PLCH2: variants seen among roughly 807,000 people sequenced by gnomAD.
PLCH2 encodes the protein 1-phosphatidylinositol 4,5-bisphosphate phosphodiesterase eta-2.
Under a neutral mutation model 134.7 loss-of-function variants are expected in PLCH2, and 98 were observed. The ratio of observed to expected loss-of-function variants is 0.73; its 90% confidence interval spans 0.62 to 0.86. The LOEUF is 0.86. Ranked by LOEUF, PLCH2 falls within the 40% of genes least tolerant of loss-of-function variation. PLCH2 has a pLI of 0.00. For synonymous variants in PLCH2, 974 were observed against 827.5 expected, an observed-to-expected ratio of 1.18 and a Z score of -3.04; for missense variants, 1,994 against 1,986.6, an observed-to-expected ratio of 1.00 and a Z score of -0.07.
At chr1:2,494,424 G>A (rs551617770) in intron 11 of PLCH2, 2 of 249,510 alleles carry the variant, frequency 8.0e-6, no homozygotes, top group East Asian at 2.6e-4. Flanking sequence ...CGCACTGCGG[G>A]AACAGGTCAG....
chr1:2,454,703 G>A (rs886890733), intron 2 of PLCH2, among the ~76,000 whole-genome samples: 2 of 152,166 alleles, frequency 1.3e-5, no homozygotes, highest in Non-Finnish European at 2.9e-5. Context: ...CCAGGGTCTG[G>A]GATAAACCGG....
intron 5 of PLCH2, among the ~76,000 whole-genome samples, chr1:2,485,224 G>GCTCT (rs1642225874): frequency 1.2e-4 from 1 of 8,436 alleles, no homozygotes; most frequent in African/African-American, 5.3e-4. Flanking sequence ...AAGGCCAAGT[G>GCTCT]CTGCCCCACT....
chr1:2,482,098 G>A (rs1324922860), intron 4 of PLCH2, among the ~76,000 whole-genome samples: 12 of 152,264 alleles, frequency 7.9e-5, no homozygotes, highest in Non-Finnish European at 1.6e-4. Context: ...CAAAGTGCAC[G>A]TTCAACAGCA....
chr1:2,456,712 G>A (rs1179082870), intron 2 of PLCH2, among the ~76,000 whole-genome samples: 5 of 152,168 alleles, frequency 3.3e-5, no homozygotes, highest in South Asian at 4.1e-4. Context: ...CCCCTCTGAA[G>A]CCAGGGAGCT....
chr1:2,452,519 G>T (rs1456488560), intron 2 of PLCH2, among the ~76,000 whole-genome samples: 4 of 152,206 alleles, frequency 2.6e-5, no homozygotes, highest in African/African-American at 9.6e-5. Context: ...TGAGCAGCAG[G>T]AGGTGAGGGC....
At chr1:2,431,523 A>G (rs773304683) in intron 2 of PLCH2, among the ~76,000 whole-genome samples, 1 of 152,066 alleles carries the variant, frequency 6.6e-6, no homozygotes, top group Non-Finnish European at 1.5e-5. Context: ...TGGAATGGAC[A>G]CCGGGGAAAG....
chr1:2,451,415 G>A (rs1640219946), intron 2 of PLCH2, among the ~76,000 whole-genome samples: 2 of 152,228 alleles, frequency 1.3e-5, no homozygotes. Flanking sequence ...TTTCTGGGCT[G>A]TACAGATCAG....
chr1:2,479,915 C>T lies in PLCH2; in HGVS notation c.453C>T (p.Arg151=). The change falls in exon 3 of 22, where the codon CGC becomes CGT. Residue 151 remains arginine, a synonymous_variant. Coordinates refer to ENST00000378486, the MANE Select transcript of PLCH2 (RefSeq NM_014638.4). Reference sequence around the variant, plus strand: ...CGCGCACCTGGGTCACTGGCCTGCGCTACCTCATGGCCGGCATCAGCGACG... The same window carrying T: ...CGCGCACCTGGGTCACTGGCCTGCGTTACCTCATGGCCGGCATCAGCGACG... ...EVARTWVTGL[R]YLMAGISDED... is the part of the protein sequence containing the mutation. The T allele has an allele frequency of 6.2e-7, 1 of 1,611,188 alleles. No homozygotes were observed. The highest frequency in any genetic ancestry group is 8.5e-7 in the Non-Finnish European group (1 of 1,179,022).
intron 20 of PLCH2, chr1:2,501,839 CA>C (rs1643241323): frequency 2.3e-6 from 1 of 425,568 alleles, no homozygotes. Flanking sequence ...ATGCCCTGGA[CA>C]GGTCAGGCGA....
intron 5 of PLCH2, among the ~76,000 whole-genome samples, chr1:2,485,001 A>G (rs1642214810): frequency 6.6e-6 from 1 of 151,964 alleles, no homozygotes. Context: ...CATCTTGTGG[A>G]CTAGGGTTCT....
chr1:2,427,334 G>A (rs998835889), intron 1 of PLCH2, among the ~76,000 whole-genome samples: 1 of 152,158 alleles, frequency 6.6e-6, no homozygotes, highest in Non-Finnish European at 1.5e-5. Context: ...CCGCAGGTCT[G>A]GGACGAGTCA....
Position 2,504,220 on chromosome 1 carries a change from C to T in PLCH2, c.3258C>T (p.Gly1086=). ...GCAGGAGCCAGCCCCGGACCCTGGG[C>T]CACCTGCCCGTGATTAGAAGGGTGA... ...TDGRSQPRTL[G]HLPVIRRVKS... Residue 1086 remains glycine (G), a synonymous_variant, in exon 22 of 22, where the codon GGC becomes GGT. Transcript: ENST00000378486. 1 of 1,564,530 alleles carries T rather than the reference C, an allele frequency of 6.4e-7. No homozygotes were observed.
intron 4 of PLCH2, among the ~76,000 whole-genome samples, chr1:2,483,037 G>C (rs1642060583): frequency 6.6e-6 from 1 of 152,222 alleles, no homozygotes; most frequent in South Asian, 2.1e-4. Flanking sequence ...GCCTGTGTGG[G>C]CTCTGGGAAG....
Position 2,487,254 on chromosome 1 carries a change from C to T in PLCH2, c.992C>T (p.Pro331Leu), listed in dbSNP as rs553813725. The T allele has an allele frequency of 8.1e-6, 13 of 1,612,482 alleles. No individual in the cohort carries two copies. The highest frequency in any genetic ancestry group is 5.0e-5 in the Admixed American group (3 of 59,816). Reference sequence around the variant, plus strand: ...CATGTGCACCAGGACATGACGCAGCCGCTGAGCCACTACTTCATCACCTCG... The same window carrying T: ...CATGTGCACCAGGACATGACGCAGCTGCTGAGCCACTACTTCATCACCTCG... ...HHHVHQDMTQPLSHYFITSSH... is the reference protein window; with the variant it reads ...HHHVHQDMTQLLSHYFITSSH... Residue 331 changes from proline to leucine, a missense_variant, in exon 7 of 22, where the codon CCG becomes CTG. Coordinates refer to ENST00000378486, the MANE Select transcript of PLCH2 (RefSeq NM_014638.4).
At position 2,505,218 on chromosome 1, in the gene PLCH2, CAGT is replaced by C. The variant is rs1424474273; in HGVS notation, c.*6_*8del. ...CTGGTCCTGCTCCGCCTCTGACCGTCAGTGGTGGGAACCTGGGCGGCTCTGGAG... is the reference window on the plus strand; with the variant it reads ...CTGGTCCTGCTCCGCCTCTGACCGTCGGTGGGAACCTGGGCGGCTCTGGAG... On this transcript the variant is annotated 3_prime_UTR_variant, in exon 22 of 22. Transcript: ENST00000378486. 8 of 1,564,674 alleles carry C rather than the reference CAGT, an allele frequency of 5.1e-6. No homozygotes were observed. In the Admixed American group the frequency reaches 7.2e-5, roughly 14 times the overall value.
chr1:2,499,309 C>A, intron 19 of PLCH2, 79 bp downstream of exon 19: 1 of 1,518,972 alleles, frequency 6.6e-7, no homozygotes, highest in South Asian at 1.2e-5. Flanking sequence ...CCCTGTGAGT[C>A]AGTGCCTGTG....
At chr1:2,466,887 C>A (rs922219685), upstream of PLCH2, among the ~76,000 whole-genome samples, 1 of 152,148 alleles carries the variant, frequency 6.6e-6, no homozygotes, top group Non-Finnish European at 1.5e-5. Context: ...GGTGTAGCAG[C>A]ACGCAGGGCT....
upstream of PLCH2, among the ~76,000 whole-genome samples, chr1:2,472,063 C>G (rs975005426): frequency 6.6e-6 from 1 of 152,172 alleles, no homozygotes; most frequent in African/African-American, 2.4e-5. Context: ...GCTGGGACCC[C>G]TCAGGCCCAG....
intron 1 of PLCH2, among the ~76,000 whole-genome samples, chr1:2,428,792 G>T (rs570750739): frequency 2.0e-5 from 3 of 152,378 alleles, no homozygotes; most frequent in South Asian, 4.1e-4. Flanking sequence ...CATTCCAGCC[G>T]CCTCGGGGAA....
Sources: gnomAD v4.1 joint callset for allele counts (sites outside exome capture counted in the v4.1 genomes callset) on GRCh38, gnomAD v4.1.1 for gene constraint, MANE v1.5 for transcripts, NCBI Gene and HGNC (gene_info 2026-07-23, HGNC 2026-07-21) for gene names.